Variants in SLX9 observed in about 807,000 individuals in gnomAD.
SLX9 encodes the protein ribosome biogenesis protein SLX9 homolog.
Under a neutral mutation model 20.8 loss-of-function variants are expected in SLX9, and 19 were observed. That is an observed-to-expected ratio of 0.91 (90% CI 0.64 to 1.34). The LOEUF is 1.34. Ranked by LOEUF, SLX9 falls within the 40% of genes most tolerant of loss-of-function variation. The pLI, the probability that SLX9 is intolerant of heterozygous loss-of-function variation, is 0.00. For synonymous variants in SLX9, 113 were observed against 137.1 expected, an observed-to-expected ratio of 0.82 and a Z score of 1.23; for missense variants, 299 against 322.2, an observed-to-expected ratio of 0.93 and a Z score of 0.55.
At chr21:44,955,316 G>A (rs865894379) in intron 2 of SLX9, among the ~76,000 whole-genome samples, 11 of 151,760 alleles carry the variant, frequency 7.2e-5, no homozygotes, top group African/African-American at 2.4e-4. Context: ...CCCCGCTGCC[G>A]CGGTGCTGGG....
intron 3 of SLX9, among the ~76,000 whole-genome samples, chr21:44,966,785 C>A (rs2085044004): frequency 6.6e-6 from 1 of 152,270 alleles, no homozygotes; most frequent in Non-Finnish European, 1.5e-5. Context: ...CAGGAGAAAT[C>A]CTCAGTGGCT....
chr21:44,966,901 A>C, intron 3 of SLX9, 133 bp from the exon 4 acceptor site: 5 of 1,141,812 alleles, frequency 4.4e-6, no homozygotes, highest in East Asian at 5.3e-5. Context: ...CAGGGGCGGA[A>C]TGGGGGTGAC....
chr21:44,963,305 G>A (rs2084978355), intron 3 of SLX9, among the ~76,000 whole-genome samples: 1 of 151,516 alleles, frequency 6.6e-6, no homozygotes, highest in South Asian at 2.1e-4. Context: ...TAGCAGGATG[G>A]TCTCGATCTC....
chr21:44,963,244 G>A lies in SLX9; in HGVS notation c.352+3076G>A, dbSNP rs944798396. Among the ~76,000 whole-genome samples, 7 of 151,840 alleles carry A rather than the reference G, an allele frequency of 4.6e-5. No individual in the cohort carries two copies. In the East Asian group the frequency reaches 7.7e-4, roughly 17 times the overall value. ...GCCGGGACTACAGGCACCCGCCACC[G>A]TGCCCGGCTAATTTTTTTGTATTTT... On this transcript the variant is annotated intron_variant, in intron 3 of 5. Transcript: ENST00000291634.
intron 2 of SLX9, among the ~76,000 whole-genome samples, chr21:44,946,947 A>C (rs1482916053): frequency 6.6e-6 from 1 of 152,206 alleles, no homozygotes; most frequent in African/African-American, 2.4e-5. Flanking sequence ...TGGGACCTGC[A>C]GACCCTTAGA....
intron 2 of SLX9, among the ~76,000 whole-genome samples, chr21:44,951,923 G>A (rs972090041): frequency 4.0e-5 from 6 of 148,734 alleles, no homozygotes; most frequent in African/African-American, 7.9e-5. Context: ...TGGCCCAGGC[G>A]GGTGTGGGCT....
At chr21:44,961,364 C>T (rs918930857) in intron 3 of SLX9, among the ~76,000 whole-genome samples, 2 of 152,180 alleles carry the variant, frequency 1.3e-5, no homozygotes, top group Admixed American at 6.5e-5. Context: ...GGATCACCTA[C>T]GCCCAGGAGT....
At chr21:44,959,174 C>T (rs944217779) in intron 2 of SLX9, 7 of 980,506 alleles carry the variant, frequency 7.1e-6, no homozygotes, top group Non-Finnish European at 8.5e-6. Flanking sequence ...CAGAGCGCAG[C>T]GACTGCCTTT....
intron 1 of SLX9, among the ~76,000 whole-genome samples, chr21:44,942,898 A>G (rs1176261669): frequency 6.6e-6 from 1 of 152,162 alleles, no homozygotes; most frequent in Non-Finnish European, 1.5e-5. Context: ...GTAGGAGGGC[A>G]TCTTCCATAT....
intron 5 of SLX9, 73 bp from the exon 6 acceptor site, chr21:44,976,607 A>C (rs1357239444): frequency 6.5e-7 from 1 of 1,528,598 alleles, no homozygotes. Flanking sequence ...TCGGTGTCTG[A>C]CGTTTCCGGG....
At chr21:44,948,030 G>C (rs1218242806) in intron 2 of SLX9, among the ~76,000 whole-genome samples, 1 of 152,276 alleles carries the variant, frequency 6.6e-6, no homozygotes, top group Non-Finnish European at 1.5e-5. Context: ...TGTGCGTGCT[G>C]TGTGGCCAGC....
chr21:44,968,793 C>T (rs2123447996), intron 4 of SLX9, among the ~76,000 whole-genome samples: 1 of 150,308 alleles, frequency 6.7e-6, no homozygotes, highest in Admixed American at 6.6e-5. Flanking sequence ...TTGCTCTGTC[C>T]CCCAGGCTGG....
rs1302607667 is a variant in SLX9, at chr21:44,960,470, C to A, written c.352+302C>A. ...GGGCTGCCTCCCTTTGGAGGACGGC[C>A]TTGGGAAGCTGCTGCTCTCGGCTCC... On this transcript the variant is annotated intron_variant, in intron 3 of 5. Transcript: ENST00000291634. Among the ~76,000 whole-genome samples, 3 of 152,260 alleles carry A rather than the reference C, an allele frequency of 2.0e-5. No individual in the cohort carries two copies. The East Asian group carries it at 5.8e-4, about 29-fold the overall frequency.
In SLX9 at chr21:44,973,508, GATTCA is replaced by G. The variant is rs1568948345; in HGVS notation, c.569+244_569+248del. ...CCTCACCCCGCCCACCCTCTCCAGG[GATTCA>G]GCTCCTGAGTGCCCTCACCCCGCCC... is the stretch of plus-strand genomic sequence containing the variant. On this transcript the variant is annotated intron_variant, in intron 5 of 5. Transcript: ENST00000291634. Among the ~76,000 whole-genome samples, 144 of 80,300 alleles carry G rather than the reference GATTCA, an allele frequency of 1.8e-3. 11 individuals carry two copies. Among genetic ancestry groups the G allele is most frequent in the Middle Eastern group, 6.0e-3 (1 of 168 alleles). 52.7% of individuals were successfully genotyped at this position (80,300 alleles called of 152,430 possible).
intron 2 of SLX9, among the ~76,000 whole-genome samples, chr21:44,953,772 C>T (rs899515981): frequency 1.3e-5 from 2 of 152,210 alleles, no homozygotes; most frequent in Non-Finnish European, 2.9e-5. Context: ...TTCAGCGTCC[C>T]TGGGTCGTGC....
At chr21:44,953,727 T>A (rs1039306342) in intron 2 of SLX9, among the ~76,000 whole-genome samples, 6 of 152,148 alleles carry the variant, frequency 3.9e-5, no homozygotes, top group Admixed American at 3.9e-4. Flanking sequence ...CAGCCTGGGT[T>A]CCTCAGTGCA....
In SLX9 at chr21:44,967,129, G is replaced by A; in HGVS notation, c.448G>A (p.Ala150Thr). 1.9e-6 allele frequency: 3 copies of A among 1,607,470 alleles called. No individual in the cohort carries two copies. Among genetic ancestry groups the A allele is most frequent in the Non-Finnish European group, 1.7e-6 (2 of 1,177,370 alleles). Residue 150 changes from alanine (A) to threonine (T), a missense_variant, in exon 4 of 6, where the codon GCC (alanine) becomes ACC (threonine). Coordinates refer to ENST00000291634, the MANE Select transcript of SLX9 (RefSeq NM_058190.4). The stretch of plus-strand genomic sequence containing the variant: ...GGGGGACCTGCACCCTCTCAGGGAT[G>A]CCCTGCCCGAGCTGCTGGGGCTCGA... ...VVGDLHPLRDALPELLGLEAG... is the reference protein window; with the variant it reads ...VVGDLHPLRDTLPELLGLEAG...
At position 44,952,103 on chromosome 21, in the gene SLX9, GCA is replaced by G. The variant is rs924894282; in HGVS notation, c.284-7996_284-7995del. Among the ~76,000 whole-genome samples the G allele has an allele frequency of 1.3e-4, 17 of 134,238 alleles. 1 individual carries two copies. The highest frequency in any genetic ancestry group is 6.1e-4 in the African/African-American group (15 of 24,772). The allele number at this position is 134,238 out of a possible 152,430, so 88.1% of individuals were successfully genotyped here. A position where few individuals can be genotyped will look rare whatever the true frequency, so the allele number is the denominator to read the frequency against. ...AAAATGGTTTAAACACACAGCAGCAGCAGAACACACAGGAGAAGATTCCTCTG... is the reference window on the plus strand; with the variant it reads ...AAAATGGTTTAAACACACAGCAGCAGGAACACACAGGAGAAGATTCCTCTG... On this transcript the variant is annotated intron_variant, in intron 2 of 5. Coordinates refer to ENST00000291634, the MANE Select transcript of SLX9 (RefSeq NM_058190.4).
In SLX9 at chr21:44,940,086, G is replaced by A; in HGVS notation, c.29G>A (p.Arg10Gln). Residue 10 changes from arginine (R) to glutamine (Q), a missense_variant, in exon 1 of 6, where the codon CGA (arginine) becomes CAA (glutamine). Physicochemically the swap from Arg to Gln is conservative, Grantham distance 43. Transcript: ENST00000291634. ...GGGAAAGTGAGGGGGTTGCGCGCCC[G>A]AGTGCACCAGGCTGCCGTGAGGCCG... is the stretch of plus-strand genomic sequence containing the variant. MGKVRGLRARVHQAAVRPKG... is the reference protein window; with the variant it reads MGKVRGLRAQVHQAAVRPKG... 1 of 1,458,192 alleles carries A rather than the reference G, an allele frequency of 6.9e-7. No homozygotes were observed. The highest frequency in any genetic ancestry group is 9.1e-7 in the Non-Finnish European group (1 of 1,103,432). The allele number at this position is 1,458,192 out of a possible 1,614,324, so 90.3% of individuals were successfully genotyped here.
Sources: gnomAD v4.1 joint callset for allele counts (sites outside exome capture counted in the v4.1 genomes callset) on GRCh38, gnomAD v4.1.1 for gene constraint, MANE v1.5 for transcripts, NCBI Gene and HGNC (gene_info 2026-07-23, HGNC 2026-07-21) for gene names.